Variants in AKAP19 observed in about 807,000 individuals in gnomAD.
The protein encoded by AKAP19 is A-kinase anchoring protein 19.
chr2:190,084,917 A>C, the AKAP19 span, among the ~76,000 whole-genome samples: 43,471 of 152,098 alleles, frequency 0.29, 6,464 homozygotes, highest in Middle Eastern at 0.38. Context: ...TCAGATGCAT[A>C]TAGTGCATTG....
At chr2:190,035,709 TA>T in the AKAP19 span, among the ~76,000 whole-genome samples, 26 of 152,162 alleles carry the variant, frequency 1.7e-4, no homozygotes, top group Non-Finnish European at 3.2e-4. Flanking sequence ...TTCTTCCACG[TA>T]AAGCTTTTGA....
At chr2:190,196,365 CTTGTACAT>C in the AKAP19 span, among the ~76,000 whole-genome samples, 2 of 152,126 alleles carry the variant, frequency 1.3e-5, no homozygotes, top group African/African-American at 4.8e-5. Flanking sequence ...CATTTCACAT[CTTGTACAT>C]TTCAGTTACT....
At chr2:190,100,065 G>T in the AKAP19 span, among the ~76,000 whole-genome samples, 1 of 152,162 alleles carries the variant, frequency 6.6e-6, no homozygotes, top group African/African-American at 2.4e-5. Flanking sequence ...CCTGAAAGGA[G>T]ATTACAGGCT....
the AKAP19 span, among the ~76,000 whole-genome samples, chr2:190,017,653 C>T: frequency 7.9e-3 from 1,202 of 152,146 alleles, 6 homozygotes; most frequent in Non-Finnish European, 0.011. Flanking sequence ...ATAGATTTGT[C>T]GTTTAACCAT....
At chr2:190,132,171 C>T in the AKAP19 span, among the ~76,000 whole-genome samples, 1 of 152,140 alleles carries the variant, frequency 6.6e-6, no homozygotes, top group African/African-American at 2.4e-5. Context: ...AGAAAGATAT[C>T]TTGTGTTCAT....
At chr2:190,184,248 C>A in the AKAP19 span, among the ~76,000 whole-genome samples, 1 of 152,058 alleles carries the variant, frequency 6.6e-6, no homozygotes, top group Non-Finnish European at 1.5e-5. Flanking sequence ...ATATGTGACC[C>A]AAAGAGTGAA....
At chr2:190,086,939 A>T in the AKAP19 span, among the ~76,000 whole-genome samples, 1 of 152,182 alleles carries the variant, frequency 6.6e-6, no homozygotes, top group Non-Finnish European at 1.5e-5. Flanking sequence ...CTCAGCTTCC[A>T]TTCAAAGGAA....
chr2:190,039,472 C>T, the AKAP19 span, among the ~76,000 whole-genome samples: 2 of 152,314 alleles, frequency 1.3e-5, no homozygotes, highest in Middle Eastern at 6.8e-3. Flanking sequence ...AGTCAAACTA[C>T]TTACATTTGA....
chr2:190,118,148 C>A, the AKAP19 span, among the ~76,000 whole-genome samples: 2 of 152,046 alleles, frequency 1.3e-5, no homozygotes, highest in South Asian at 2.1e-4. Flanking sequence ...ACACATACAC[C>A]CTCCCAAGAC....
At chr2:190,055,409 A>G in the AKAP19 span, among the ~76,000 whole-genome samples, 3 of 152,122 alleles carry the variant, frequency 2.0e-5, no homozygotes, top group East Asian at 3.8e-4. Flanking sequence ...CAGCACACCA[A>G]CATGGCACAT....
the AKAP19 span, among the ~76,000 whole-genome samples, chr2:190,154,586 TC>T: frequency 3.3e-5 from 5 of 152,248 alleles, no homozygotes; most frequent in South Asian, 8.3e-4. Context: ...TTATTTTAGT[TC>T]ATATTTGCTC....
At chr2:189,968,287 G>C in the AKAP19 span, among the ~76,000 whole-genome samples, 2 of 152,164 alleles carry the variant, frequency 1.3e-5, no homozygotes, top group African/African-American at 4.8e-5. Context: ...GCCCAGGCTG[G>C]AGTGCAGTGG....
At chr2:190,137,540 T>TC in the AKAP19 span, among the ~76,000 whole-genome samples, 1 of 152,180 alleles carries the variant, frequency 6.6e-6, no homozygotes, top group Admixed American at 6.5e-5. Flanking sequence ...ACAAAGGTCT[T>TC]CATCTTTTTG....
At chr2:190,117,507 T>C in the AKAP19 span, among the ~76,000 whole-genome samples, 1 of 152,210 alleles carries the variant, frequency 6.6e-6, no homozygotes, top group Non-Finnish European at 1.5e-5. Context: ...TCTTAGAGTT[T>C]CGCAATACAT....
chr2:189,907,833 A>G, the AKAP19 span, among the ~76,000 whole-genome samples: 1 of 152,190 alleles, frequency 6.6e-6, no homozygotes, highest in South Asian at 2.1e-4. Context: ...CCTCTGGGTT[A>G]TCCAACTTAT....
the AKAP19 span, among the ~76,000 whole-genome samples, chr2:190,174,990 GATAC>G: frequency 8.7e-6 from 1 of 114,620 alleles, no homozygotes; most frequent in South Asian, 3.3e-4. Flanking sequence ...AAGCACATAA[GATAC>G]ATAGATTACA....
chr2:189,894,082 G>C, the AKAP19 span, among the ~76,000 whole-genome samples: 1 of 152,140 alleles, frequency 6.6e-6, no homozygotes, highest in African/African-American at 2.4e-5. Context: ...AATTATCTCA[G>C]AAAATGTGTT....
chr2:190,200,198 T>C, the AKAP19 span: 5 of 1,537,184 alleles, frequency 3.3e-6, no homozygotes, highest in East Asian at 6.8e-5. Flanking sequence ...TTTGAATAAA[T>C]GTGACAAAAG....
chr2:190,126,659 ATTGT>A, the AKAP19 span, among the ~76,000 whole-genome samples: 1 of 152,158 alleles, frequency 6.6e-6, no homozygotes, highest in Non-Finnish European at 1.5e-5. Context: ...TGAATACATA[ATTGT>A]TTAAGAGCAC....
Sources: gnomAD v4.1 joint callset for allele counts (sites outside exome capture counted in the v4.1 genomes callset) on GRCh38, gnomAD v4.1.1 for gene constraint, MANE v1.5 for transcripts, NCBI Gene and HGNC (gene_info 2026-07-23, HGNC 2026-07-21) for gene names.